ZNRF2: variants seen among roughly 807,000 people sequenced by gnomAD.
The protein encoded by ZNRF2 is E3 ubiquitin-protein ligase ZNRF2.
A neutral mutation model predicts 20.4 loss-of-function variants in ZNRF2; 16 were observed. The ratio of observed to expected loss-of-function variants is 0.79; its 90% CI spans 0.53 to 1.19. The LOEUF (loss-of-function observed/expected upper bound fraction) is 1.19. Among genes scored for constraint, ZNRF2 ranks in the 50% most tolerant of loss-of-function variants. ZNRF2 has a pLI of 0.00. For missense variants in ZNRF2, 363 were observed against 332.4 expected (o/e 1.09, Z -0.72); for synonymous variants, 178 against 144.9 (o/e 1.23, Z -1.64).
Position 30,362,458 on chromosome 7 carries a change from T to C in ZNRF2, c.*22+2T>C, listed in dbSNP as rs763327154. ...AAGCGTCAGCTTCCTGTTTTATAGG[T>C]AATTTTTTTTGTAATTACTTTTTAA... On this transcript the variant is annotated splice_donor_variant, in intron 4 of 4. Transcript: ENST00000323037. LOFTEE classifies it low-confidence loss of function (3UTR_SPLICE). 1 of 1,574,650 alleles carries C rather than the reference T, an allele frequency of 6.4e-7. No homozygotes were observed. The highest frequency in any genetic ancestry group is 1.8e-5 in the Admixed American group (1 of 56,102).
chr7:30,335,602 T>C (rs961723784), intron 2 of ZNRF2, among the ~76,000 whole-genome samples: 1 of 152,046 alleles, frequency 6.6e-6, no homozygotes, highest in African/African-American at 2.4e-5. Context: ...AAAAATAAAT[T>C]AGTTCTTCAT....
intron 1 of ZNRF2, among the ~76,000 whole-genome samples, chr7:30,290,435 T>C (rs753607953): frequency 2.6e-5 from 4 of 152,346 alleles, no homozygotes; most frequent in South Asian, 2.1e-4. Flanking sequence ...AGGGTTGTTA[T>C]CTAGTGACTC....
chr7:30,323,050 T>C (rs900805883), intron 1 of ZNRF2, among the ~76,000 whole-genome samples: 2 of 152,218 alleles, frequency 1.3e-5, no homozygotes, highest in African/African-American at 4.8e-5. Flanking sequence ...CCCGATCTGA[T>C]GCTAGTTTCT....
intron 2 of ZNRF2, among the ~76,000 whole-genome samples, chr7:30,348,174 T>TAAAAAAAAA (rs551400861): frequency 8.7e-6 from 1 of 114,918 alleles, no homozygotes; most frequent in Non-Finnish European, 1.9e-5. Context: ...TTAAAAATGT[T>TAAAAAAAAA]AAAAAAAAAA....
intron 2 of ZNRF2, among the ~76,000 whole-genome samples, chr7:30,327,806 A>G (rs1799577722): frequency 6.6e-6 from 1 of 152,044 alleles, no homozygotes; most frequent in Non-Finnish European, 1.5e-5. Context: ...GGCACAAGTG[A>G]TCCTCCTACC....
At chr7:30,297,179 C>G (rs976510084) in intron 1 of ZNRF2, among the ~76,000 whole-genome samples, 1 of 152,172 alleles carries the variant, frequency 6.6e-6, no homozygotes. Flanking sequence ...TATAAATCTC[C>G]TCTCAGATTA....
intron 2 of ZNRF2, among the ~76,000 whole-genome samples, chr7:30,343,994 A>T (rs1203270025): frequency 7.2e-6 from 1 of 139,636 alleles, no homozygotes; most frequent in Non-Finnish European, 1.5e-5. Context: ...ATCTCGGCTC[A>T]CTGCAACCTC....
intron 1 of ZNRF2, among the ~76,000 whole-genome samples, chr7:30,311,292 T>C (rs1799289085): frequency 6.6e-6 from 1 of 152,152 alleles, no homozygotes; most frequent in Non-Finnish European, 1.5e-5. Context: ...ACTTTTAAGA[T>C]AGATAGTAAA....
At chr7:30,333,174 C>T (rs908414335) in intron 2 of ZNRF2, among the ~76,000 whole-genome samples, 1 of 151,444 alleles carries the variant, frequency 6.6e-6, no homozygotes, top group South Asian at 2.1e-4. Flanking sequence ...CTGCCTCAGC[C>T]TCCTGAGTAG....
chr7:30,299,148 C>T (rs564122781), intron 1 of ZNRF2, among the ~76,000 whole-genome samples: 15 of 152,140 alleles, frequency 9.9e-5, no homozygotes, highest in African/African-American at 3.4e-4. Flanking sequence ...GATGATGCCC[C>T]TGGGCGTGGT....
intron 3 of ZNRF2, among the ~76,000 whole-genome samples, chr7:30,357,923 A>G: frequency 6.6e-6 from 1 of 152,188 alleles, no homozygotes; most frequent in East Asian, 1.9e-4. Context: ...TCATGAACAT[A>G]GATATAACAG....
intron 1 of ZNRF2, among the ~76,000 whole-genome samples, chr7:30,300,008 TC>T (rs1799085665): frequency 6.6e-6 from 1 of 151,936 alleles, no homozygotes. Flanking sequence ...ATGGTCTTGA[TC>T]TCCTGACCTC....
At chr7:30,346,549 A>T (rs546717264) in intron 2 of ZNRF2, among the ~76,000 whole-genome samples, 1 of 151,012 alleles carries the variant, frequency 6.6e-6, no homozygotes, top group African/African-American at 2.4e-5. Flanking sequence ...TTGTCTCACT[A>T]TTTTTTTTTA....
At chr7:30,343,430 G>A (rs1228454611) in intron 2 of ZNRF2, among the ~76,000 whole-genome samples, 4 of 151,490 alleles carry the variant, frequency 2.6e-5, no homozygotes, top group Non-Finnish European at 4.4e-5. Context: ...TCACTTGATC[G>A]TCATGGACTA....
At chr7:30,307,326 G>GTTTT (rs78007797) in intron 1 of ZNRF2, among the ~76,000 whole-genome samples, 44 of 43,236 alleles carry the variant, frequency 1.0e-3, no homozygotes, top group Admixed American at 1.7e-3. Flanking sequence ...GTTTTTTTTT[G>GTTTT]TTTTTTTTTT....
rs1200398311 is a variant in ZNRF2 at position 30,285,667 on chromosome 7, C to G, written c.310C>G (p.Pro104Ala). The change falls in exon 1 of 5, where the codon CCG becomes GCG. Residue 104 changes from proline to alanine, a missense_variant. Pro to Ala is a conservative substitution (Grantham distance 27, BLOSUM62 -1). Coordinates refer to ENST00000323037, the MANE Select transcript of ZNRF2 (RefSeq NM_147128.4). ...CGCGGCGCAGTCCCCCTTCAGCATC[C>G]CGAACAGCAGCAGCGGCCCGTACGG... ...ARAAQSPFSI[P>A]NSSSGPYGSQ... 6 of 1,434,618 alleles carry G rather than the reference C, an allele frequency of 4.2e-6. No homozygotes were observed. The Admixed American group carries it at 1.7e-4, about 42-fold the overall frequency. 88.9% of individuals were successfully genotyped at this position (1,434,618 alleles called of 1,614,324 possible).
At chr7:30,353,553 T>C (rs1799990313) in intron 2 of ZNRF2, among the ~76,000 whole-genome samples, 1 of 152,102 alleles carries the variant, frequency 6.6e-6, no homozygotes, top group South Asian at 2.1e-4. Context: ...AAAATAGCAT[T>C]GTGTTCTTAA....
rs569325678 is a variant in ZNRF2, at chr7:30,285,543, C to T, written c.186C>T (p.Ser62=). The T allele has an allele frequency of 3.1e-6, 3 of 979,320 alleles. No homozygotes were observed. Among genetic ancestry groups the T allele is most frequent in the Admixed American group, 6.4e-5 (1 of 15,670 alleles). The allele number at this position is 979,320 out of a possible 1,614,324, so 60.7% of individuals were successfully genotyped here. ...CCAGCGCGCACCAGCCCAGCGCCTC[C>T]GGCGGCGCCGCGGCGGCCGCGGCGG... The part of the protein sequence containing the change: ...QVPSAHQPSA[S]GGAAAAAAAP... Residue 62 remains serine, a synonymous_variant, in exon 1 of 5, where the codon TCC becomes TCT. Transcript: ENST00000323037.
intron 1 of ZNRF2, among the ~76,000 whole-genome samples, chr7:30,318,192 A>G (rs1444039884): frequency 6.6e-6 from 1 of 152,148 alleles, no homozygotes; most frequent in African/African-American, 2.4e-5. Flanking sequence ...GGTTCATGAC[A>G]TCTGGGGGAG....
Sources: allele counts gnomAD v4.1 joint callset (sites outside exome capture counted in the v4.1 genomes callset), GRCh38; gene constraint gnomAD v4.1.1; transcripts MANE v1.5; gene names NCBI Gene and HGNC (gene_info 2026-07-23, HGNC 2026-07-21).